PLXNB2: variants seen among roughly 807,000 people sequenced by gnomAD.
The protein encoded by PLXNB2 is plexin B2, also known as plexin-B2.
A neutral mutation model predicts 202.6 loss-of-function variants in PLXNB2; 85 were observed. The ratio of observed to expected loss-of-function variants is 0.42; its 90% CI spans 0.35 to 0.50. The LOEUF (loss-of-function observed/expected upper bound fraction) is 0.50. Among genes scored for constraint, PLXNB2 ranks in the 20% least tolerant of loss-of-function variants. The pLI is 0.02. For synonymous variants in PLXNB2, 1,239 were observed against 1,137.6 expected, an observed-to-expected ratio of 1.09 and a Z score of -1.79; for missense variants, 2,063 against 2,586.2, an observed-to-expected ratio of 0.80 and a Z score of 4.39.
Position 50,275,931 on chromosome 22 carries a change from T to C in PLXNB2, c.5370A>G (p.Ala1790=). The change falls in exon 36 of 37, where the codon GCA becomes GCG. Residue 1790 remains alanine (A), a synonymous_variant. Transcript: ENST00000359337. ...GCGTGTATTGGTAGAGCTGGTGGAG[T>C]GCCACGAGGGTGTTCAAGGAGTCCG... The part of the protein sequence containing the change: ...AHTDSLNTLV[A]LHQLYQYTQK... 6.2e-7 allele frequency: 1 copy of C among 1,612,200 alleles called. No homozygotes were observed.
chr22:50,300,190 G>T, intron 1 of PLXNB2: 1 of 834,240 alleles, frequency 1.2e-6, no homozygotes, highest in Non-Finnish European at 1.4e-6. Flanking sequence ...GGACGCGCGG[G>T]CGGGTGGGAG....
rs761379050 is a variant in PLXNB2, at chr22:50,283,766, C to T, written c.2422-16G>A. On this transcript the variant is annotated splice_polypyrimidine_tract_variant and intron_variant, in intron 14 of 36. Coordinates refer to ENST00000359337, the MANE Select transcript of PLXNB2 (RefSeq NM_012401.4). ...CAGGCTGGATCTGAAACCACAGAGC[C>T]GGGTGAGCAGGGAGGGGCTCATGCC... 2.1e-5 allele frequency: 34 copies of T among 1,612,928 alleles called. No homozygotes were observed. Among genetic ancestry groups the T allele is most frequent in the South Asian group, 9.9e-5 (9 of 91,068 alleles).
chr22:50,281,503 T>G lies in PLXNB2; in HGVS notation c.3523-4A>C, dbSNP rs775184161. ...ACTCGCGAGAGCCGAACTTCACCTG[T>G]GTGGGGGGCCGGGTTCAGCGCGGTC... On this transcript the variant is annotated splice_region_variant and splice_polypyrimidine_tract_variant and intron_variant, in intron 21 of 36. Transcript: ENST00000359337. The G allele has an allele frequency of 1.2e-4, 189 of 1,610,826 alleles. No individual in the cohort carries two copies. The highest frequency in any genetic ancestry group is 8.7e-5 in the Non-Finnish European group (103 of 1,179,054).
chr22:50,303,474 G>C (rs2067782311), intron 1 of PLXNB2, among the ~76,000 whole-genome samples: 1 of 152,202 alleles, frequency 6.6e-6, no homozygotes, highest in Admixed American at 6.5e-5. Context: ...ACAACAGAAG[G>C]TCACCTGGGA....
In PLXNB2 at chr22:50,280,554, G is replaced by A; in HGVS notation, c.4110C>T (p.His1370=). 2 of 1,612,084 alleles carry A rather than the reference G, an allele frequency of 1.2e-6. No individual in the cohort carries two copies. The highest frequency in any genetic ancestry group is 1.7e-6 in the Non-Finnish European group (2 of 1,179,800). ...GKLEYYTDIM[H]TLFLELLEQY... ...GCTCCAGGAGCTCCAGGAAGAGCGT[G>A]TGCATGATGTCCGTGTAGTACTCCA... is the stretch of plus-strand genomic sequence containing the variant. The change falls in exon 25 of 37, where the codon CAC becomes CAT. Residue 1370 remains histidine, a synonymous_variant. Transcript: ENST00000359337.
rs546752076 is a variant in PLXNB2, at chr22:50,279,868, G to A, written c.4243-92C>T. ...CCTGGCCAGAGGCATGGACGGGGCTGACCATGTCAGGGGCAGGAAGCAAAC... is the reference window on the plus strand; with the variant it reads ...CCTGGCCAGAGGCATGGACGGGGCTAACCATGTCAGGGGCAGGAAGCAAAC... On this transcript the variant is annotated intron_variant, in intron 26 of 36. Coordinates refer to ENST00000359337, the MANE Select transcript of PLXNB2 (RefSeq NM_012401.4). The A allele has an allele frequency of 8.8e-4, 1,324 of 1,504,658 alleles. 29 individuals carry two copies. In the South Asian group the frequency reaches 0.015, roughly 17 times the overall value. 93.2% of individuals were successfully genotyped at this position (1,504,658 alleles called of 1,614,324 possible).
chr22:50,278,297 C>T (rs371906643), intron 30 of PLXNB2, 26 bp from the exon 31 acceptor site: 51 of 1,609,308 alleles, frequency 3.2e-5, no homozygotes, highest in East Asian at 6.7e-5. Context: ...ACTGAGGGAC[C>T]CCTACCCAGG....
At position 50,277,609 on chromosome 22, in the gene PLXNB2, C is replaced by A; in HGVS notation, c.5178G>T (p.Thr1726=). The A allele has an allele frequency of 6.3e-7, 1 of 1,590,680 alleles. No individual in the cohort carries two copies. Among genetic ancestry groups the A allele is most frequent in the Admixed American group, 1.7e-5 (1 of 58,414 alleles). The part of the protein sequence containing the change: ...AQTFMDACTR[T]EHKLSRDSPS... ...CACTCACGCGGCTCAGCTTATGCTC[C>A]GTGCGCGTGCAGGCATCCATGAAGG... The change falls in exon 33 of 37, where the codon ACG becomes ACT. Residue 1726 remains threonine, a synonymous_variant. Transcript: ENST00000359337.
chr22:50,281,324 G>C, intron 22 of PLXNB2, 36 bp downstream of exon 22: 1 of 1,607,842 alleles, frequency 6.2e-7, no homozygotes, highest in Non-Finnish European at 8.5e-7. Flanking sequence ...AGGGCCGAGG[G>C]CTCAGGGTGT....
chr22:50,304,415 G>A (rs962699484), intron 1 of PLXNB2, among the ~76,000 whole-genome samples: 5 of 152,212 alleles, frequency 3.3e-5, no homozygotes, highest in African/African-American at 9.7e-5. Flanking sequence ...AGCCAGGAGG[G>A]CCACTGTGTC....
In PLXNB2 at chr22:50,284,213, G is replaced by A. The variant is rs1380034761; in HGVS notation, c.2182C>T (p.Leu728=). ...AGCGTCTCGTTGGCATCGTGGGACA[G>A]CTGGGGGACACGCAGGGGCACACTG... is the stretch of plus-strand genomic sequence containing the variant. ...SGTFAFRTPK[L]SHDANETLPL... is the part of the protein sequence containing the mutation. Residue 728 remains leucine, a splice_region_variant and synonymous_variant, in exon 13 of 37, where the codon CTG becomes TTG. Transcript: ENST00000359337. This position sits in a 1 kb window ranked among gnomAD's most constrained non-coding sequence, Gnocchi z 8.0. 1.2e-6 allele frequency: 2 copies of A among 1,612,704 alleles called. No individual in the cohort carries two copies. Among genetic ancestry groups the A allele is most frequent in the South Asian group, 1.1e-5 (1 of 91,080 alleles).
chr22:50,285,196 T>C (rs2066335109), intron 11 of PLXNB2, among the ~76,000 whole-genome samples: 1 of 147,920 alleles, frequency 6.8e-6, no homozygotes, highest in East Asian at 2.0e-4. Context: ...AGCCTGCCTG[T>C]CACCAACCGG....
In PLXNB2 at chr22:50,278,489, T is replaced by A. The variant is rs750351888; in HGVS notation, c.4678A>T (p.Lys1560Ter). ...TCCGGCTGCTGGGAGACCCCCACCT[T>A]GGACAGGATGAGGGTGGCTCCATCC... ...VRDGATLILSKVGVSQQPEDS... is the reference protein window; with the variant it reads ...VRDGATLILS The change falls in exon 30 of 37, where the codon AAG becomes TAG. Residue 1560 changes from lysine to a stop codon, truncating the protein, a stop_gained. Transcript: ENST00000359337. LOFTEE classifies it high-confidence loss of function. 2 of 1,562,692 alleles carry A rather than the reference T, an allele frequency of 1.3e-6. No homozygotes were observed. Among genetic ancestry groups the A allele is most frequent in the South Asian group, 2.3e-5 (2 of 85,498 alleles).
intron 1 of PLXNB2, among the ~76,000 whole-genome samples, chr22:50,306,237 C>T (rs2067877866): frequency 6.6e-6 from 1 of 152,226 alleles, no homozygotes; most frequent in Non-Finnish European, 1.5e-5. Context: ...CTCCCAGACC[C>T]CCCGGGACAG....
Position 50,282,761 on chromosome 22 carries a change from G to A in PLXNB2, c.2937C>T (p.Tyr979=). 6.2e-7 allele frequency: 1 copy of A among 1,612,852 alleles called. No individual in the cohort carries two copies. Among genetic ancestry groups the A allele is most frequent in the Non-Finnish European group, 8.5e-7 (1 of 1,179,640 alleles). ...PVPNPGIFFT[Y]RENPVLRAFE... The stretch of plus-strand genomic sequence containing the variant: ...AGGCTCGCAGTACGGGGTTTTCGCG[G>A]TAGGTGAAGAAGATGCCGGGGTTGG... Residue 979 remains tyrosine (Y), a synonymous_variant, in exon 18 of 37, where the codon TAC becomes TAT. Coordinates refer to ENST00000359337, the MANE Select transcript of PLXNB2 (RefSeq NM_012401.4).
chr22:50,284,564 G>A lies in PLXNB2; in HGVS notation c.2181+9C>T, dbSNP rs948668004. The A allele has an allele frequency of 1.9e-6, 3 of 1,607,860 alleles. No homozygotes were observed. Among genetic ancestry groups the A allele is most frequent in the Non-Finnish European group, 2.6e-6 (3 of 1,176,138 alleles). ...CCAGCAGCCGAGCCGGCCTGCCCTG[G>A]AGCCGTACCTTTGGGGTCCGAAAGG... On this transcript the variant is annotated intron_variant, in intron 12 of 36. Transcript: ENST00000359337. This position sits in a 1 kb window ranked among gnomAD's most constrained non-coding sequence, Gnocchi z 8.0.
At chr22:50,278,774 C>G (rs2065786761) in intron 28 of PLXNB2, 78 bp from the exon 29 acceptor site, 1 of 1,588,288 alleles carries the variant, frequency 6.3e-7, no homozygotes, top group Non-Finnish European at 8.6e-7. Context: ...TATGAGAAAG[C>G]TGGCCAGGCA....
chr22:50,286,105 C>T lies in PLXNB2; in HGVS notation c.1878-7G>A. ...GCTCACGCAGGAGATGCACCTGCAT[C>T]CAGAGGGGATCGTGAGCAGGGCTGG... On this transcript the variant is annotated splice_polypyrimidine_tract_variant and splice_region_variant and intron_variant, in intron 9 of 36. Coordinates refer to ENST00000359337, the MANE Select transcript of PLXNB2 (RefSeq NM_012401.4). 1 of 1,611,242 alleles carries T rather than the reference C, an allele frequency of 6.2e-7. No individual in the cohort carries two copies. Among genetic ancestry groups the T allele is most frequent in the Non-Finnish European group, 8.5e-7 (1 of 1,178,774 alleles).
Position 50,289,703 on chromosome 22 carries a change from A to G in PLXNB2, c.882T>C (p.Tyr294=), listed in dbSNP as rs754010352. 2.5e-6 allele frequency: 4 copies of G among 1,611,216 alleles called. No homozygotes were observed. Among genetic ancestry groups the G allele is most frequent in the Non-Finnish European group, 2.5e-6 (3 of 1,179,936 alleles). The change falls in exon 3 of 37, where the codon TAT becomes TAC. Residue 294 remains tyrosine (Y), a synonymous_variant. Transcript: ENST00000359337. The surrounding 1 kb of genome is among the most constrained non-coding windows in gnomAD (Gnocchi z 8.0). ...TCCGGCTGTCTCTGCTGAAGACAGCATATAGCACCCTGCCAGAGCCAGGCG... is the reference window on the plus strand; with the variant it reads ...TCCGGCTGTCTCTGCTGAAGACAGCGTATAGCACCCTGCCAGAGCCAGGCG... ...VAAPGSGRVL[Y]AVFSRDSRSS...
Sources: gnomAD v4.1 joint callset for allele counts (sites outside exome capture counted in the v4.1 genomes callset) on GRCh38, gnomAD v4.1.1 for gene constraint, Gnocchi (gnomAD v3.1) non-coding constraint, MANE v1.5 for transcripts, NCBI Gene and HGNC (gene_info 2026-07-23, HGNC 2026-07-21) for gene names.